The following ARID3A variants were observed in gnomAD, a reference collection of about 807,000 sequenced individuals.
ARID3A encodes the protein AT-rich interactive domain-containing protein 3A.
Under a neutral mutation model 52.7 loss-of-function variants are expected in ARID3A, and 11 were observed. That is an observed-to-expected ratio of 0.21 (90% CI 0.13 to 0.35). ARID3A has a LOEUF of 0.35. Ranked by LOEUF, ARID3A falls within the 10% of genes least tolerant of loss-of-function variation. The probability of loss-of-function intolerance (pLI) is 1.00; values close to 1 mark genes in which losing one functional copy is unlikely to be tolerated. For synonymous variants in ARID3A, 404 were observed against 359.4 expected, an observed-to-expected ratio of 1.12 and a Z score of -1.40; for missense variants, 721 against 838.5, an observed-to-expected ratio of 0.86 and a Z score of 1.73.
chr19:929,470 C>G lies in ARID3A; in HGVS notation c.-59C>G. On this transcript the variant is annotated 5_prime_UTR_variant, in exon 2 of 9. Transcript: ENST00000263620. The surrounding 1 kb of genome is among the most constrained non-coding windows in gnomAD (Gnocchi z 6.2). ...CCGCAGGGGCCGCCCCCGCCGCCCA[C>G]CCCTAGCGCCCGTGGTGGTGGTGGT... is the stretch of plus-strand genomic sequence containing the variant. 2 of 1,460,906 alleles carry G rather than the reference C, an allele frequency of 1.4e-6. No homozygotes were observed. 90.5% of individuals were successfully genotyped at this position (1,460,906 alleles called of 1,614,324 possible).
intron 3 of ARID3A, among the ~76,000 whole-genome samples, chr19:943,022 G>A (rs529081877): frequency 2.6e-5 from 4 of 152,266 alleles, no homozygotes; most frequent in East Asian, 1.9e-4. Context: ...TGATCCCCGC[G>A]CTTTGGAAGG....
In ARID3A at chr19:965,032, G is replaced by A. The variant is rs749890340; in HGVS notation, c.1150G>A (p.Ala384Thr). The change falls in exon 6 of 9, where the codon GCA (alanine) becomes ACA (threonine). Residue 384 changes from alanine (A) to threonine (T), a missense_variant. Physicochemically the swap from Ala to Thr is moderately conservative, Grantham distance 58. Around this residue, in one of 5 missense-constraint regions of ARID3A, gnomAD observed 297 missense variants for 343.2 expected, o/e 0.87. Transcript: ENST00000263620. Reference protein sequence around the residue: ...KLPVSSLGLAASTNGSSITPA... With the variant: ...KLPVSSLGLATSTNGSSITPA... ...ACCCGTGTCCTCCCTGGGCCTGGCC[G>A]CAAGCACCAATGGCAGCTCCATCAC... The A allele has an allele frequency of 2.7e-5, 44 of 1,612,856 alleles. No homozygotes were observed. Among genetic ancestry groups the A allele is most frequent in the South Asian group, 1.2e-4 (11 of 91,012 alleles).
In ARID3A at chr19:932,673, C is replaced by G; in HGVS notation, c.624C>G (p.Ala208=). Residue 208 remains alanine (A), a synonymous_variant, in exon 3 of 9, where the codon GCC becomes GCG. Coordinates refer to ENST00000263620, the MANE Select transcript of ARID3A (RefSeq NM_005224.3). ...CTGGCCCTGCCCACCCCGGAGGGGC[C>G]GCCCACGTAGCCCCGCAGCTGCAGC... is the stretch of plus-strand genomic sequence containing the variant. ...PGPGPAHPGG[A]AHVAPQLQPP... is the part of the protein sequence containing the mutation. 2 of 1,545,930 alleles carry G rather than the reference C, an allele frequency of 1.3e-6. No individual in the cohort carries two copies. The highest frequency in any genetic ancestry group is 1.7e-6 in the Non-Finnish European group (2 of 1,146,060).
chr19:952,445 A>AC (rs1216184170), intron 3 of ARID3A, among the ~76,000 whole-genome samples: 5 of 124,052 alleles, frequency 4.0e-5, no homozygotes, highest in African/African-American at 1.8e-4. Flanking sequence ...CTGTCTCAAA[A>AC]AAAAAAAAAA....
At chr19:931,648 TA>T (rs1478665585) in intron 2 of ARID3A, among the ~76,000 whole-genome samples, 4 of 151,490 alleles carry the variant, frequency 2.6e-5, no homozygotes, top group African/African-American at 9.7e-5. Flanking sequence ...CCGTCTCCAC[TA>T]AAAATACAAA....
chr19:932,883 C>A, intron 3 of ARID3A, 141 bp downstream of exon 3: 3 of 1,468,872 alleles, frequency 2.0e-6, no homozygotes, highest in Non-Finnish European at 2.7e-6. Context: ...GCTGTGCTTC[C>A]TGTGCTTCCC....
intron 3 of ARID3A, among the ~76,000 whole-genome samples, chr19:946,879 G>A (rs947315658): frequency 2.0e-5 from 3 of 151,562 alleles, no homozygotes; most frequent in Non-Finnish European, 4.4e-5. Flanking sequence ...CTGCAGCCTC[G>A]AGCTCCTGGG....
At chr19:953,557 T>C (rs1037920616) in intron 3 of ARID3A, among the ~76,000 whole-genome samples, 3 of 151,988 alleles carry the variant, frequency 2.0e-5, no homozygotes, top group African/African-American at 7.3e-5. Context: ...ACGGAGTGTG[T>C]CTTGCAGATC....
In ARID3A at chr19:941,445, C is replaced by T. The variant is rs1259109254; in HGVS notation, c.693+8703C>T. ...CAGCGGCACCTCACGCGCCCGCCTG[C>T]GTGTCCCCAGCCAGCACCACGGTGT... On this transcript the variant is annotated intron_variant, in intron 3 of 8. Coordinates refer to ENST00000263620, the MANE Select transcript of ARID3A (RefSeq NM_005224.3). The surrounding 1 kb of genome is among the most constrained non-coding windows in gnomAD (Gnocchi z 6.9). Among the ~76,000 whole-genome samples the T allele has an allele frequency of 6.6e-6, 1 of 152,178 alleles. No individual in the cohort carries two copies. The highest frequency in any genetic ancestry group is 1.9e-4 in the East Asian group (1 of 5,192).
chr19:949,082 CCGGA>C (rs1054194015), intron 3 of ARID3A, among the ~76,000 whole-genome samples: 4 of 152,178 alleles, frequency 2.6e-5, no homozygotes, highest in Non-Finnish European at 5.9e-5. Flanking sequence ...TCCCGCCTCT[CCGGA>C]CTGTGGACAA....
In ARID3A at chr19:966,798, A is replaced by T. The variant is rs777713031; in HGVS notation, c.1425A>T (p.Gln475His). The change falls in exon 7 of 9, where the codon CAA (glutamine) becomes CAT (histidine). Residue 475 changes from glutamine (Q) to histidine (H), a missense_variant. By Grantham distance (24) the Gln-to-His change is conservative. Transcript: ENST00000263620. ...CCGATGAGCAGCAACGGCTGATGCA[A>T]CGTGCACTCCAGCAGAACTTCCTGG... ...LVADEQQRLM[Q>H]RALQQNFLAM... The T allele has an allele frequency of 3.7e-6, 6 of 1,613,578 alleles. No individual in the cohort carries two copies. Among genetic ancestry groups the T allele is most frequent in the Non-Finnish European group, 5.1e-6 (6 of 1,180,024 alleles).
chr19:954,153 G>A (rs1427966908), intron 3 of ARID3A, among the ~76,000 whole-genome samples: 1 of 152,104 alleles, frequency 6.6e-6, no homozygotes, highest in African/African-American at 2.4e-5. Flanking sequence ...CCGAGGGAGG[G>A]TCATGCTCAG....
At chr19:931,773 G>A (rs996428132) in intron 2 of ARID3A, among the ~76,000 whole-genome samples, 22 of 148,812 alleles carry the variant, frequency 1.5e-4, no homozygotes, top group Admixed American at 6.0e-4. Context: ...AGATTGCGCC[G>A]TTGCACTCCA....
chr19:971,739 A>C, intron 8 of ARID3A, 139 bp from the exon 9 acceptor site: 1 of 1,118,246 alleles, frequency 8.9e-7, no homozygotes, highest in Non-Finnish European at 1.2e-6. Flanking sequence ...GTGAGCTCTG[A>C]TGCCACCACT....
rs549293333 is a variant in ARID3A at position 935,945 on chromosome 19, C to T, written c.693+3203C>T. ...AGCTGGGACTACAGGCATCCGCCAC[C>T]GCGCCCGGCTAATTTTTTGTATTTT... On this transcript the variant is annotated intron_variant, in intron 3 of 8. Coordinates refer to ENST00000263620, the MANE Select transcript of ARID3A (RefSeq NM_005224.3). Among the ~76,000 whole-genome samples, 34 of 152,316 alleles carry T rather than the reference C, an allele frequency of 2.2e-4. No homozygotes were observed. In the South Asian group the frequency reaches 5.4e-3, roughly 24 times the overall value.
Position 973,766 on chromosome 19 carries a change from C to A in ARID3A, c.*1701C>A, listed in dbSNP as rs1399996964. ...AATCGAGGCCGAGAAGGGAGGCTGCCCCCCACCACCCTGTGGGTCAGTACC... is the reference window on the plus strand; with the variant it reads ...AATCGAGGCCGAGAAGGGAGGCTGCACCCCACCACCCTGTGGGTCAGTACC... On this transcript the variant is annotated 3_prime_UTR_variant, in exon 9 of 9. Transcript: ENST00000263620. 1 of 228,978 alleles carries A rather than the reference C, an allele frequency of 4.4e-6. No homozygotes were observed. Among genetic ancestry groups the A allele is most frequent in the East Asian group, 6.2e-5 (1 of 16,088 alleles). The allele number at this position is 228,978 out of a possible 1,614,324, so 14.2% of individuals were successfully genotyped here. A position where few individuals can be genotyped will look rare whatever the true frequency, so the allele number is the denominator to read the frequency against.
At chr19:940,968 G>T (rs536492764) in intron 3 of ARID3A, among the ~76,000 whole-genome samples, 1 of 152,080 alleles carries the variant, frequency 6.6e-6, no homozygotes, top group South Asian at 2.1e-4. Context: ...GCCCGTGCCC[G>T]TGCCAGGAGC....
intron 3 of ARID3A, chr19:958,200 G>A (rs2037962156): frequency 6.6e-6 from 1 of 151,590 alleles, no homozygotes; most frequent in Non-Finnish European, 1.5e-5. Flanking sequence ...TTAGGAGACT[G>A]AGGCAGTCGG....
chr19:928,860 A>T (rs1392848247), intron 1 of ARID3A: 1 of 152,098 alleles, frequency 6.6e-6, no homozygotes, highest in Admixed American at 6.6e-5. Context: ...AGATGGGAGG[A>T]TACCTAGATA....
Sources: gnomAD v4.1 joint callset for allele counts (sites outside exome capture counted in the v4.1 genomes callset) on GRCh38, gnomAD v4.1.1 for gene constraint, gnomAD v4.1.1 regional missense constraint, Gnocchi (gnomAD v3.1) non-coding constraint, MANE v1.5 for transcripts, NCBI Gene and HGNC (gene_info 2026-07-23, HGNC 2026-07-21) for gene names.